The following PLCE1 variants were observed in gnomAD, a reference collection of about 807,000 sequenced individuals.
PLCE1 encodes phospholipase C epsilon 1.
PLCE1 carries 119 observed loss-of-function variants against 242.8 expected under a neutral mutation model. That is an observed-to-expected ratio of 0.49 (90% CI 0.42 to 0.57). The LOEUF (loss-of-function observed/expected upper bound fraction) is 0.57, where lower values mean the gene tolerates loss of function less well. Among genes scored for constraint, PLCE1 ranks in the 20% least tolerant of loss-of-function variants. The pLI is 0.00. For missense variants in PLCE1, 2,441 were observed against 2,788.8 expected (o/e 0.88, Z 2.81); for synonymous variants, 945 against 1,017.4 (o/e 0.93, Z 1.35).
chr10:94,324,898 C>G lies in PLCE1; in HGVS notation c.6727C>G (p.Arg2243Gly), dbSNP rs1317588208. 6.2e-7 allele frequency: 1 copy of G among 1,614,002 alleles called. No individual in the cohort carries two copies. Among genetic ancestry groups the G allele is most frequent in the African/African-American group, 1.3e-5 (1 of 75,016 alleles). Residue 2243 changes from arginine (R) to glycine (G), a missense_variant, in exon 32 of 33, where the codon CGA becomes GGA. Arg to Gly is a moderately radical substitution (Grantham distance 125, BLOSUM62 -2). Coordinates refer to ENST00000371380, the MANE Select transcript of PLCE1 (RefSeq NM_016341.4). ...LKLKEQVQAS[R>G]EDKKKGISFA... is the part of the protein sequence containing the mutation. ...AGGTTCTTTGTTCCCACAGGCATCT[C>G]GAGAAGATAAAAAGAAAGGCATTTC...
chr10:94,086,204 T>TAGCTCTTTA (rs1285676846), intron 2 of PLCE1, among the ~76,000 whole-genome samples: 14 of 152,200 alleles, frequency 9.2e-5, no homozygotes, highest in Admixed American at 3.9e-4. Flanking sequence ...CTGGAGATGG[T>TAGCTCTTTA]ATCATTGCTC....
intron 2 of PLCE1, among the ~76,000 whole-genome samples, chr10:94,044,328 C>T (rs551648868): frequency 6.6e-6 from 1 of 152,276 alleles, no homozygotes; most frequent in South Asian, 2.1e-4. Flanking sequence ...CACAATGTCT[C>T]AACCCTTGGA....
At chr10:94,308,837 C>T (rs905515763) in intron 27 of PLCE1, 138 bp downstream of exon 27, 3 of 758,478 alleles carry the variant, frequency 4.0e-6, no homozygotes, top group Non-Finnish European at 7.2e-6. Context: ...ATGGCTGACA[C>T]TTGGCACTGA....
intron 20 of PLCE1, among the ~76,000 whole-genome samples, chr10:94,282,625 T>G (rs530140020): frequency 1.3e-5 from 2 of 152,320 alleles, no homozygotes; most frequent in East Asian, 3.9e-4. Flanking sequence ...AGTCCTTGCA[T>G]TGTTCCACAG....
chr10:94,170,275 C>T (rs925278494), intron 3 of PLCE1, among the ~76,000 whole-genome samples: 1 of 150,996 alleles, frequency 6.6e-6, no homozygotes, highest in Non-Finnish European at 1.5e-5. Flanking sequence ...TGCCAGTATT[C>T]CAGAGATCAT....
intron 3 of PLCE1, among the ~76,000 whole-genome samples, chr10:94,167,939 G>C (rs763628737): frequency 1.3e-5 from 2 of 151,776 alleles, no homozygotes; most frequent in Non-Finnish European, 2.9e-5. Flanking sequence ...CGCCAGCCTC[G>C]GCCTCCCAAA....
At chr10:94,164,199 G>T (rs2047715380) in intron 3 of PLCE1, among the ~76,000 whole-genome samples, 1 of 152,138 alleles carries the variant, frequency 6.6e-6, no homozygotes, top group African/African-American at 2.4e-5. Flanking sequence ...ATGTTGGCCT[G>T]CCTTGCTAGA....
At chr10:94,002,147 G>T (rs891610865) in intron 1 of PLCE1, among the ~76,000 whole-genome samples, 1 of 152,036 alleles carries the variant, frequency 6.6e-6, no homozygotes, top group African/African-American at 2.4e-5. Flanking sequence ...GAATCTAAGA[G>T]AAGAAGGCAG....
At chr10:94,092,487 G>A (rs1328679604) in intron 2 of PLCE1, among the ~76,000 whole-genome samples, 1 of 152,134 alleles carries the variant, frequency 6.6e-6, no homozygotes, top group Non-Finnish European at 1.5e-5. Context: ...TCCTTCATAA[G>A]GAAGGGACAT....
chr10:94,323,809 T>C (rs146071719), intron 30 of PLCE1, among the ~76,000 whole-genome samples: 3 of 152,344 alleles, frequency 2.0e-5, no homozygotes, highest in Admixed American at 6.5e-5. Context: ...TGGGACATAA[T>C]TGGCCCTCAC....
chr10:94,038,911 A>G (rs1266442983), intron 2 of PLCE1, among the ~76,000 whole-genome samples: 3 of 152,110 alleles, frequency 2.0e-5, no homozygotes, highest in South Asian at 4.2e-4. Flanking sequence ...CCCCAGCCCT[A>G]AGGAACCACT....
intron 26 of PLCE1, among the ~76,000 whole-genome samples, chr10:94,307,600 T>C (rs1013596511): frequency 2.0e-5 from 3 of 152,094 alleles, no homozygotes; most frequent in African/African-American, 7.2e-5. Flanking sequence ...GAGATCAGGG[T>C]GTTGGCAGGT....
chr10:94,189,163 A>G (rs555630699), intron 4 of PLCE1, among the ~76,000 whole-genome samples: 12 of 151,154 alleles, frequency 7.9e-5, no homozygotes, highest in Non-Finnish European at 1.3e-4. Flanking sequence ...TTTCTCAAAT[A>G]TACTTAACCT....
chr10:94,188,852 G>T (rs2048566779), intron 4 of PLCE1, among the ~76,000 whole-genome samples: 1 of 152,052 alleles, frequency 6.6e-6, no homozygotes, highest in Non-Finnish European at 1.5e-5. Context: ...TGATCCACCT[G>T]CCTTGGCCTC....
intron 2 of PLCE1, among the ~76,000 whole-genome samples, chr10:94,085,391 T>C (rs2044780286): frequency 1.3e-5 from 2 of 152,158 alleles, no homozygotes; most frequent in South Asian, 4.1e-4. Flanking sequence ...CCTCTCTGGC[T>C]TCTGACTATC....
chr10:94,279,701 A>T (rs1213339285), intron 19 of PLCE1, 81 bp from the exon 20 acceptor site: 3 of 1,479,812 alleles, frequency 2.0e-6, no homozygotes, highest in Admixed American at 3.4e-5. Context: ...CGATTGTGTT[A>T]AACATCAGGG....
chr10:94,079,663 C>T (rs1394970487), intron 2 of PLCE1, among the ~76,000 whole-genome samples: 1 of 152,160 alleles, frequency 6.6e-6, no homozygotes, highest in East Asian at 1.9e-4. Context: ...TTCTTTATAG[C>T]AGAGCCAGTT....
intron 13 of PLCE1, among the ~76,000 whole-genome samples, chr10:94,261,151 C>A (rs1034480461): frequency 6.6e-6 from 1 of 152,120 alleles, no homozygotes; most frequent in Non-Finnish European, 1.5e-5. Flanking sequence ...TTCCATCCCC[C>A]CCGCGACCTC....
intron 23 of PLCE1, among the ~76,000 whole-genome samples, chr10:94,295,026 C>T (rs953005144): frequency 3.3e-5 from 5 of 151,152 alleles, no homozygotes; most frequent in African/African-American, 1.2e-4. Context: ...CGCCATTCTC[C>T]TGCCTCAGCC....
Sources: allele counts gnomAD v4.1 joint callset (sites outside exome capture counted in the v4.1 genomes callset), GRCh38; gene constraint gnomAD v4.1.1; transcripts MANE v1.5; gene names NCBI Gene and HGNC (gene_info 2026-07-23, HGNC 2026-07-21).